Variants in NBEA observed in about 807,000 individuals in gnomAD.
The protein encoded by NBEA is lysosomal-trafficking regulator 2.
A neutral mutation model predicts 343.4 loss-of-function variants in NBEA; 44 were observed. That is an observed-to-expected ratio of 0.13 (90% confidence interval 0.10 to 0.16). The LOEUF (loss-of-function observed/expected upper bound fraction) is 0.16. Among genes scored for constraint, NBEA ranks in the 10% least tolerant of loss-of-function variants. The pLI is 1.00. For missense variants in NBEA, 2,555 were observed against 3,631.3 expected (o/e 0.70, Z 7.62); for synonymous variants, 1,175 against 1,238.7 (o/e 0.95, Z 1.08).
intron 41 of NBEA, among the ~76,000 whole-genome samples, chr13:35,481,285 AC>A (rs1310632261): frequency 6.6e-6 from 1 of 151,918 alleles, no homozygotes; most frequent in Non-Finnish European, 1.5e-5. Flanking sequence ...AGAATTGACC[AC>A]CGCTGCTTGA....
intron 1 of NBEA, among the ~76,000 whole-genome samples, chr13:35,003,685 C>T (rs1386152037): frequency 1.3e-5 from 2 of 152,118 alleles, no homozygotes; most frequent in African/African-American, 4.8e-5. Flanking sequence ...GAACATTACA[C>T]TCTGAATTTG....
chr13:35,194,079 T>C (rs981120527), intron 30 of NBEA, among the ~76,000 whole-genome samples: 1 of 151,952 alleles, frequency 6.6e-6, no homozygotes, highest in African/African-American at 2.4e-5. Context: ...ATGCTTATCC[T>C]AGAAAAAGTA....
At chr13:34,998,773 A>G (rs1184698448) in intron 1 of NBEA, among the ~76,000 whole-genome samples, 1 of 152,092 alleles carries the variant, frequency 6.6e-6, no homozygotes, top group Non-Finnish European at 1.5e-5. Flanking sequence ...ATGCTGTACA[A>G]TTTGTGCAGT....
intron 4 of NBEA, among the ~76,000 whole-genome samples, chr13:35,046,485 G>A (rs1343528048): frequency 6.6e-6 from 1 of 151,846 alleles, no homozygotes; most frequent in Non-Finnish European, 1.5e-5. Flanking sequence ...CAGTAGTCCC[G>A]CCTTATCCAT....
Position 35,159,574 on chromosome 13 carries a change from G to A in NBEA, c.3403G>A (p.Glu1135Lys), listed in dbSNP as rs374298804. ...DNGPLITLADEKEDLPNSSTS... is the reference protein window; with the variant it reads ...DNGPLITLADKKEDLPNSSTS... ...TGGTCCATTGATAACATTAGCAGAT[G>A]AGAAAGAAGACCTTCCCAATAGTAG... The change falls in exon 22 of 59, where the codon GAG becomes AAG. Residue 1135 changes from glutamate (E) to lysine (K), a missense_variant. Around this residue, in one of 21 missense-constraint regions of NBEA, gnomAD observed 367 missense variants for 377.5 expected, o/e 0.97. Transcript: ENST00000379939. 3.3e-5 allele frequency: 54 copies of A among 1,612,080 alleles called. No individual in the cohort carries two copies. Among genetic ancestry groups the A allele is most frequent in the Non-Finnish European group, 4.5e-5 (53 of 1,179,274 alleles).
chr13:35,564,510 A>G (rs1263992993), intron 44 of NBEA, among the ~76,000 whole-genome samples: 4 of 152,126 alleles, frequency 2.6e-5, no homozygotes, highest in East Asian at 1.9e-4. Context: ...ACTGAGCCCT[A>G]TCAGGTGTCC....
chr13:35,206,754 A>G (rs2073423717), intron 31 of NBEA, among the ~76,000 whole-genome samples: 1 of 152,154 alleles, frequency 6.6e-6, no homozygotes, highest in Non-Finnish European at 1.5e-5. Flanking sequence ...CGAAGGAGGT[A>G]GCATTAGTCT....
At chr13:35,110,473 C>T (rs1273610216) in intron 12 of NBEA, among the ~76,000 whole-genome samples, 1 of 152,030 alleles carries the variant, frequency 6.6e-6, no homozygotes, top group Non-Finnish European at 1.5e-5. Context: ...ACATTGAAAG[C>T]TACTGAAATG....
intron 34 of NBEA, among the ~76,000 whole-genome samples, chr13:35,236,872 T>C (rs2075264787): frequency 6.6e-6 from 1 of 152,114 alleles, no homozygotes; most frequent in Non-Finnish European, 1.5e-5. Context: ...TTTACTTACA[T>C]AATATTAATA....
intron 33 of NBEA, among the ~76,000 whole-genome samples, chr13:35,216,289 T>C (rs1197249871): frequency 1.3e-5 from 2 of 151,850 alleles, no homozygotes; most frequent in Admixed American, 1.3e-4. Context: ...CTGTGGACCA[T>C]GGGCCAAATC....
chr13:35,397,605 T>C (rs1224627346), intron 38 of NBEA, among the ~76,000 whole-genome samples: 2 of 152,160 alleles, frequency 1.3e-5, no homozygotes, highest in Non-Finnish European at 2.9e-5. Flanking sequence ...TATATTTTTA[T>C]TGAATACACA....
chr13:35,240,616 G>GA, intron 34 of NBEA, among the ~76,000 whole-genome samples: 1 of 151,906 alleles, frequency 6.6e-6, no homozygotes, highest in Non-Finnish European at 1.5e-5. Flanking sequence ...ATTACATGGG[G>GA]AAAAGAGATA....
intron 48 of NBEA, among the ~76,000 whole-genome samples, chr13:35,618,042 C>A (rs1339718506): frequency 6.6e-6 from 1 of 151,962 alleles, no homozygotes; most frequent in Non-Finnish European, 1.5e-5. Flanking sequence ...GGATTTAGTT[C>A]TTATGAAATA....
intron 8 of NBEA, among the ~76,000 whole-genome samples, chr13:35,059,759 T>TAC (rs1555290792): frequency 3.6e-5 from 5 of 138,106 alleles, no homozygotes; most frequent in African/African-American, 7.9e-5. Flanking sequence ...TATATATATA[T>TAC]ACAGAGAGAG....
intron 57 of NBEA, 113 bp downstream of exon 57, chr13:35,667,683 C>A (rs1040589773): frequency 1.9e-6 from 2 of 1,057,900 alleles, no homozygotes; most frequent in Admixed American, 2.3e-5. Context: ...TAAATGTGTT[C>A]TAGATTAAAA....
At chr13:35,329,660 G>A (rs2038800947) in intron 36 of NBEA, among the ~76,000 whole-genome samples, 2 of 151,982 alleles carry the variant, frequency 1.3e-5, no homozygotes, top group Non-Finnish European at 2.9e-5. Context: ...ACAGAAAACA[G>A]TTCAAGTTCA....
intron 46 of NBEA, among the ~76,000 whole-genome samples, chr13:35,592,372 A>G (rs1348003655): frequency 1.3e-5 from 2 of 152,180 alleles, no homozygotes; most frequent in Non-Finnish European, 2.9e-5. Flanking sequence ...AATAAGGTAG[A>G]TACGGAACCT....
intron 1 of NBEA, among the ~76,000 whole-genome samples, chr13:35,012,372 C>T (rs2061516371): frequency 6.6e-6 from 1 of 152,152 alleles, no homozygotes; most frequent in South Asian, 2.1e-4. Context: ...CTCGCTCCAC[C>T]CTCATGGCCT....
chr13:35,049,744 A>G lies in NBEA; in HGVS notation c.846-525A>G, dbSNP rs112080341. On this transcript the variant is annotated intron_variant, in intron 5 of 58. Coordinates refer to ENST00000379939, the MANE Select transcript of NBEA (RefSeq NM_001385012.1). ...CTAAGGGAAATGCTCTTGTAGAAGA[A>G]AACAACTATATTTCATAGTTACATC... is the stretch of plus-strand genomic sequence containing the variant. Among the ~76,000 whole-genome samples the G allele has an allele frequency of 1.3e-3, 194 of 152,034 alleles. 1 individual carries two copies. The highest frequency in any genetic ancestry group is 4.3e-3 in the African/African-American group (180 of 41,572).
Sources: allele counts gnomAD v4.1 joint callset (sites outside exome capture counted in the v4.1 genomes callset), GRCh38; gene constraint gnomAD v4.1.1; regional missense constraint gnomAD v4.1.1; transcripts MANE v1.5; gene names NCBI Gene and HGNC (gene_info 2026-07-23, HGNC 2026-07-21).